KCNN3: variants seen among roughly 807,000 people sequenced by gnomAD.
KCNN3 encodes potassium calcium-activated channel subfamily N member 3, also known as small conductance calcium-activated potassium channel protein 3.
KCNN3 carries 16 observed loss-of-function variants against 62.9 expected under a neutral mutation model. That is an observed-to-expected ratio of 0.25 (90% CI 0.17 to 0.39). The LOEUF (loss-of-function observed/expected upper bound fraction) is 0.39. Among genes scored for constraint, KCNN3 ranks in the 10% least tolerant of loss-of-function variants. The pLI is 1.00. For missense variants in KCNN3, 599 were observed against 949.4 expected (o/e 0.63, Z 4.85); for synonymous variants, 370 against 389.2 (o/e 0.95, Z 0.58).
chr1:154,730,754 T>C (rs1377804237), intron 4 of KCNN3, among the ~76,000 whole-genome samples: 3 of 152,328 alleles, frequency 2.0e-5, no homozygotes, highest in East Asian at 1.9e-4. Flanking sequence ...GTATTTTTCA[T>C]ATGGAAGGTG....
At chr1:154,829,334 C>G (rs1019692527) in intron 1 of KCNN3, among the ~76,000 whole-genome samples, 4 of 152,330 alleles carry the variant, frequency 2.6e-5, no homozygotes, top group Admixed American at 6.5e-5. Context: ...CGGCAGAGCT[C>G]AAGAATGGAT....
chr1:154,870,175 C>G lies in KCNN3; in HGVS notation c.-211G>C, dbSNP rs1348738319. 1 of 715,738 alleles carries G rather than the reference C, an allele frequency of 1.4e-6. No individual in the cohort carries two copies. Among genetic ancestry groups the G allele is most frequent in the South Asian group, 1.5e-5 (1 of 66,938 alleles). 44.3% of individuals were successfully genotyped at this position (715,738 alleles called of 1,614,324 possible). A position where few individuals can be genotyped will look rare whatever the true frequency, so the allele number is the denominator to read the frequency against. ...CATTGTATTGGGCAGGGAGGGAGAG[C>G]AGGAGGGGAGCTTGGAGAAAGAAGA... On this transcript the variant is annotated 5_prime_UTR_variant, in exon 1 of 8. Transcript: ENST00000271915.
chr1:154,852,195 G>C (rs1268144184), intron 1 of KCNN3, among the ~76,000 whole-genome samples: 2 of 147,120 alleles, frequency 1.4e-5, no homozygotes, highest in Non-Finnish European at 3.0e-5. Context: ...AACAACTTGA[G>C]TGTGTGAATC....
Position 154,772,447 on chromosome 1 carries a change from G to A in KCNN3, c.1030-54C>T. On this transcript the variant is annotated intron_variant, in intron 2 of 7. Transcript: ENST00000271915. The surrounding 1 kb of genome is among the most constrained non-coding windows in gnomAD (Gnocchi z 5.6). The stretch of plus-strand genomic sequence containing the variant: ...GGCCAGGACCAGGAAGCCCACAGCA[G>A]GGTCCAGGCAGGACAGGTGGGGCAG... 1.5e-5 allele frequency: 24 copies of A among 1,589,680 alleles called. No homozygotes were observed. Among genetic ancestry groups the A allele is most frequent in the Non-Finnish European group, 2.0e-5 (23 of 1,162,542 alleles).
At chr1:154,775,499 A>G (rs953678705) in intron 2 of KCNN3, among the ~76,000 whole-genome samples, 1 of 152,172 alleles carries the variant, frequency 6.6e-6, no homozygotes, top group African/African-American at 2.4e-5. Flanking sequence ...AATAAACTAC[A>G]AAGGATCATT....
intron 2 of KCNN3, among the ~76,000 whole-genome samples, chr1:154,794,109 G>A (rs1206189852): frequency 6.6e-6 from 1 of 152,202 alleles, no homozygotes. Context: ...TCCGAATGCT[G>A]TTCCCTCTGC....
At chr1:154,780,153 AG>A (rs936805764) in intron 2 of KCNN3, among the ~76,000 whole-genome samples, 28 of 149,192 alleles carry the variant, frequency 1.9e-4, no homozygotes, top group African/African-American at 6.9e-4. Flanking sequence ...TTTCCTGCAA[AG>A]GGGTAGGCAT....
intron 3 of KCNN3, among the ~76,000 whole-genome samples, chr1:154,738,968 G>C (rs1015846579): frequency 6.6e-6 from 1 of 152,208 alleles, no homozygotes; most frequent in South Asian, 2.1e-4. Flanking sequence ...AAGATGAAGG[G>C]AGAGGAAGAG....
chr1:154,859,609 T>C, intron 1 of KCNN3: 1 of 1,336,576 alleles, frequency 7.5e-7, no homozygotes, highest in Non-Finnish European at 1.1e-6. Flanking sequence ...CACTGACAGG[T>C]CAGCAAGGTT....
At chr1:154,731,374 C>T (rs1377997837) in intron 4 of KCNN3, among the ~76,000 whole-genome samples, 1 of 152,260 alleles carries the variant, frequency 6.6e-6, no homozygotes, top group Non-Finnish European at 1.5e-5. Flanking sequence ...TAGCTGCTGT[C>T]GTAGGACCTG....
chr1:154,836,983 C>G (rs962819937), intron 1 of KCNN3, among the ~76,000 whole-genome samples: 1 of 152,252 alleles, frequency 6.6e-6, no homozygotes, highest in African/African-American at 2.4e-5. Context: ...CACTTCCCTG[C>G]AGGCCCCATC....
At chr1:154,771,898 C>G (rs1490539424) in intron 3 of KCNN3, 77 bp downstream of exon 3, 1 of 1,454,472 alleles carries the variant, frequency 6.9e-7, no homozygotes, top group African/African-American at 1.4e-5. Context: ...AGACCACATA[C>G]TTCCTGGCAC....
chr1:154,718,373 G>A (rs1392269813), intron 5 of KCNN3, among the ~76,000 whole-genome samples: 1 of 152,224 alleles, frequency 6.6e-6, no homozygotes, highest in Non-Finnish European at 1.5e-5. Context: ...CAAGAAAGTG[G>A]TCCAATGAAG....
intron 3 of KCNN3, among the ~76,000 whole-genome samples, chr1:154,746,623 C>G (rs1017052160): frequency 1.3e-5 from 2 of 152,030 alleles, no homozygotes; most frequent in Non-Finnish European, 1.5e-5. Context: ...GAAGCACTGT[C>G]TCCACCTCCC....
chr1:154,853,242 G>A (rs1482666543), intron 1 of KCNN3, among the ~76,000 whole-genome samples: 1 of 152,090 alleles, frequency 6.6e-6, no homozygotes, highest in African/African-American at 2.4e-5. Flanking sequence ...TCTTGCCTTG[G>A]CCTCCCAAAG....
chr1:154,738,787 C>G (rs573624735), intron 3 of KCNN3, among the ~76,000 whole-genome samples: 1 of 152,158 alleles, frequency 6.6e-6, no homozygotes, highest in Non-Finnish European at 1.5e-5. Context: ...AGCAAACAAA[C>G]AAACACGATC....
Position 154,836,938 on chromosome 1 carries a change from G to C in KCNN3, c.934-14754C>G, listed in dbSNP as rs538255760. 3.9e-5 allele frequency among the ~76,000 whole-genome samples: 6 copies of C among 152,276 alleles called. No individual in the cohort carries two copies. In the East Asian group the frequency reaches 1.2e-3, roughly 29 times the overall value. Reference sequence around the variant, plus strand: ...AATGAATGAAGGGATGCTACCCTATGGCCTGTTCCCAAGAAGAGGAGAATC... The same window carrying C: ...AATGAATGAAGGGATGCTACCCTATCGCCTGTTCCCAAGAAGAGGAGAATC... On this transcript the variant is annotated intron_variant, in intron 1 of 7. Transcript: ENST00000271915.
At chr1:154,719,639 C>T (rs138759516) in intron 5 of KCNN3, among the ~76,000 whole-genome samples, 167 of 152,248 alleles carry the variant, frequency 1.1e-3, no homozygotes, top group Middle Eastern at 3.4e-3. Flanking sequence ...AGATCACTAT[C>T]GGAGAACCTG....
At chr1:154,852,124 T>G (rs1652325282) in intron 1 of KCNN3, among the ~76,000 whole-genome samples, 1 of 152,258 alleles carries the variant, frequency 6.6e-6, no homozygotes, top group Non-Finnish European at 1.5e-5. Flanking sequence ...TCCATTTCAT[T>G]TAAAATTAAA....
Sources: gnomAD v4.1 joint callset for allele counts (sites outside exome capture counted in the v4.1 genomes callset) on GRCh38, gnomAD v4.1.1 for gene constraint, Gnocchi (gnomAD v3.1) non-coding constraint, MANE v1.5 for transcripts, NCBI Gene and HGNC (gene_info 2026-07-23, HGNC 2026-07-21) for gene names.